The following MAP3K15 variants were observed in gnomAD, a reference collection of about 807,000 sequenced individuals.
MAP3K15 encodes the protein mitogen-activated protein kinase kinase kinase 15, also known as MAPK/ERK kinase kinase 15.
MAP3K15 carries 124 observed loss-of-function variants against 99.5 expected under a neutral mutation model. That is an observed-to-expected ratio of 1.25 (90% CI 1.08 to 1.45). The LOEUF (loss-of-function observed/expected upper bound fraction) is 1.45, where lower values mean the gene tolerates loss of function less well. Ranked by LOEUF, MAP3K15 falls within the 40% of genes most tolerant of loss-of-function variation. MAP3K15 has a pLI of 0.00. For missense variants in MAP3K15, 1,242 were observed against 1,079.7 expected (o/e 1.15, Z -2.11); for synonymous variants, 494 against 439.6 (o/e 1.12, Z -1.55).
At chrX:19,453,831 T>A (rs957140438) in intron 6 of MAP3K15, among the ~76,000 whole-genome samples, 1 of 112,124 alleles carries the variant, frequency 8.9e-6, no homozygotes, top group Admixed American at 9.5e-5. Flanking sequence ...ATGCTACTTA[T>A]ATCCACATGG....
At chrX:19,510,033 A>C (rs1345837207) in intron 1 of MAP3K15, among the ~76,000 whole-genome samples, 1 of 111,882 alleles carries the variant, frequency 8.9e-6, no homozygotes, top group Non-Finnish European at 1.9e-5. Flanking sequence ...CACCCTCCCA[A>C]GACAAAACCA....
Position 19,416,020 on chromosome X carries a change from G to T in MAP3K15, c.1440-763C>A, listed in dbSNP as rs771438757. Reference sequence around the variant, plus strand: ...GTTGCTATTGTGGTGAGCTCCTGTTGTAAGTATCTGCTTAAAACTCCACCA... The same window carrying T: ...GTTGCTATTGTGGTGAGCTCCTGTTTTAAGTATCTGCTTAAAACTCCACCA... On this transcript the variant is annotated intron_variant, in intron 9 of 28. Coordinates refer to ENST00000338883, the MANE Select transcript of MAP3K15 (RefSeq NM_001001671.4). Among the ~76,000 whole-genome samples, 192 of 111,817 alleles carry T rather than the reference G, an allele frequency of 1.7e-3. 3 individuals are homozygous for T. The highest frequency in any genetic ancestry group is 9.2e-4 in the Non-Finnish European group (49 of 53,126).
intron 3 of MAP3K15, among the ~76,000 whole-genome samples, chrX:19,470,101 T>C (rs184191290): frequency 8.0e-5 from 9 of 111,812 alleles, no homozygotes; most frequent in East Asian, 2.8e-4. Flanking sequence ...CACATGCACA[T>C]GTATGTTTAT....
At chrX:19,438,249 G>A (rs894045659) in intron 6 of MAP3K15, among the ~76,000 whole-genome samples, 4 of 111,059 alleles carry the variant, frequency 3.6e-5, no homozygotes, top group South Asian at 3.9e-4. Context: ...ATACAGGCAC[G>A]CATGACCACA....
At chrX:19,475,663 G>C (rs752831546) in intron 3 of MAP3K15, among the ~76,000 whole-genome samples, 1 of 111,161 alleles carries the variant, frequency 9.0e-6, no homozygotes, top group South Asian at 3.8e-4. Context: ...GATTCTTCAG[G>C]ACAGCCCAGG....
chrX:19,392,553 T>C, intron 16 of MAP3K15, 80 bp from the exon 17 acceptor site: 4 of 1,025,435 alleles, frequency 3.9e-6, no homozygotes, highest in African/African-American at 1.9e-5. Flanking sequence ...GAGGTGAGGT[T>C]TCTAACCTAA....
chrX:19,373,809 T>G, intron 20 of MAP3K15, 114 bp from the exon 21 acceptor site: 1 of 822,165 alleles, frequency 1.2e-6, no homozygotes, highest in Non-Finnish European at 1.7e-6. Flanking sequence ...CAGGATCCTG[T>G]AGAAATGTGG....
At chrX:19,471,166 G>A (rs2064205398) in intron 3 of MAP3K15, among the ~76,000 whole-genome samples, 1 of 111,861 alleles carries the variant, frequency 8.9e-6, no homozygotes, top group Admixed American at 9.5e-5. Flanking sequence ...ACAGCATTAA[G>A]TGCACCAACA....
rs952918430 is a variant in MAP3K15, at chrX:19,459,989, A to C, written c.884T>G (p.Ile295Ser). ...IINLLLSYRD[I>S]QDYDAMVKLV... is the part of the protein sequence containing the mutation. ...TCGGCTAGGTGGATTTCATACCTGGATATCACGGTAGGACAGGAGTAAGTT... is the reference window on the plus strand; with the variant it reads ...TCGGCTAGGTGGATTTCATACCTGGCTATCACGGTAGGACAGGAGTAAGTT... The change falls in exon 5 of 29, where the codon ATC (isoleucine) becomes AGC (serine). Residue 295 changes from isoleucine to serine, a missense_variant. Coordinates refer to ENST00000338883, the MANE Select transcript of MAP3K15 (RefSeq NM_001001671.4). 11 of 1,143,884 alleles carry C rather than the reference A, an allele frequency of 9.6e-6. No homozygotes were observed. The highest frequency in any genetic ancestry group is 1.8e-5 in the African/African-American group (1 of 55,160). The allele number at this position is 1,143,884 out of a possible 1,213,427, so 94.3% of individuals were successfully genotyped here.
At chrX:19,509,754 T>A (rs766282998) in intron 1 of MAP3K15, among the ~76,000 whole-genome samples, 10 of 110,885 alleles carry the variant, frequency 9.0e-5, no homozygotes, top group African/African-American at 2.6e-4. Context: ...GGAGCAGAAC[T>A]GAAGGAAATA....
intron 9 of MAP3K15, among the ~76,000 whole-genome samples, chrX:19,422,970 T>C (rs1422028993): frequency 2.9e-5 from 3 of 102,321 alleles, no homozygotes; most frequent in East Asian, 3.1e-4. Flanking sequence ...TAGGTGGGAA[T>C]TGAACAATGA....
At chrX:19,399,537 C>G (rs968296031) in intron 14 of MAP3K15, among the ~76,000 whole-genome samples, 1 of 105,374 alleles carries the variant, frequency 9.5e-6, no homozygotes, top group Non-Finnish European at 1.9e-5. Context: ...GCACTCCAGC[C>G]TGGGTAACAG....
chrX:19,403,121 A>T (rs1445876684), intron 13 of MAP3K15, among the ~76,000 whole-genome samples: 1 of 111,937 alleles, frequency 8.9e-6, no homozygotes, highest in Non-Finnish European at 1.9e-5. Context: ...AGGGGCACAA[A>T]GCAACTTCTG....
At chrX:19,439,508 C>A (rs1485103270) in intron 6 of MAP3K15, among the ~76,000 whole-genome samples, 1 of 111,534 alleles carries the variant, frequency 9.0e-6, no homozygotes, top group African/African-American at 3.3e-5. Flanking sequence ...CACTGTCACC[C>A]AGGTTGGAAT....
At chrX:19,486,579 C>T (rs998382686) in intron 2 of MAP3K15, 74 bp from the exon 3 acceptor site, 47 of 430,293 alleles carry the variant, frequency 1.1e-4, no homozygotes, top group African/African-American at 1.1e-3. Context: ...GCCAGCACTC[C>T]CCTCTATAAA....
intron 18 of MAP3K15, among the ~76,000 whole-genome samples, chrX:19,381,156 T>C (rs763842314): frequency 8.9e-6 from 1 of 112,049 alleles, no homozygotes; most frequent in South Asian, 3.7e-4. Context: ...ACACTATGGC[T>C]GTGTCCATTT....
intron 7 of MAP3K15, among the ~76,000 whole-genome samples, chrX:19,429,192 A>G (rs2063858531): frequency 9.0e-6 from 1 of 110,848 alleles, no homozygotes; most frequent in African/African-American, 3.3e-5. Flanking sequence ...TTTATATAGC[A>G]GGGAGCAGGG....
intron 15 of MAP3K15, among the ~76,000 whole-genome samples, chrX:19,396,779 G>A (rs112131471): frequency 1.8e-5 from 2 of 111,907 alleles, no homozygotes; most frequent in African/African-American, 6.5e-5. Flanking sequence ...CAATCCTACA[G>A]CTGTGGTCTG....
intron 9 of MAP3K15, among the ~76,000 whole-genome samples, chrX:19,418,587 G>C (rs1421721432): frequency 9.0e-6 from 1 of 111,176 alleles, no homozygotes; most frequent in African/African-American, 3.3e-5. Flanking sequence ...GTGACAGAGA[G>C]AATGGAACCA....
Sources: gnomAD v4.1 joint callset for allele counts (sites outside exome capture counted in the v4.1 genomes callset) on GRCh38, gnomAD v4.1.1 for gene constraint, MANE v1.5 for transcripts, NCBI Gene and HGNC (gene_info 2026-07-23, HGNC 2026-07-21) for gene names.